The following PIK3C3 variants were observed in gnomAD, a reference collection of about 807,000 sequenced individuals.
PIK3C3 encodes the protein PI3-kinase type 3.
In PIK3C3, 95 loss-of-function variants were observed where a neutral mutation model predicts 126.1. The observed-to-expected ratio is 0.75, with a 90% confidence interval of 0.64 to 0.89. PIK3C3 has a LOEUF of 0.89. PIK3C3 is among the 40% of genes least tolerant of loss of function. PIK3C3 has a pLI of 0.00. For missense variants in PIK3C3, 829 were observed against 1,063.2 expected (o/e 0.78, Z 3.06); for synonymous variants, 374 against 360.0 (o/e 1.04, Z -0.44).
intron 3 of PIK3C3, among the ~76,000 whole-genome samples, chr18:41,963,015 C>G (rs967073308): frequency 1.3e-5 from 2 of 151,906 alleles, no homozygotes; most frequent in African/African-American, 2.4e-5. Context: ...CATTCATTAG[C>G]TAATGATGGT....
chr18:42,021,857 A>T (rs909537629), intron 13 of PIK3C3, among the ~76,000 whole-genome samples: 2 of 152,212 alleles, frequency 1.3e-5, no homozygotes, highest in Admixed American at 1.3e-4. Flanking sequence ...GTATAATGCA[A>T]ATATTCAAAA....
chr18:42,031,243 A>G (rs916321443), intron 15 of PIK3C3, among the ~76,000 whole-genome samples: 11 of 152,182 alleles, frequency 7.2e-5, no homozygotes, highest in Non-Finnish European at 1.5e-4. Flanking sequence ...TGCGAGAGCT[A>G]TATCACAGTG....
intron 18 of PIK3C3, among the ~76,000 whole-genome samples, chr18:42,040,240 A>T (rs1984249906): frequency 6.6e-6 from 1 of 151,368 alleles, no homozygotes; most frequent in Non-Finnish European, 1.5e-5. Flanking sequence ...ATATTAGACA[A>T]AAGGAGCCAT....
intron 6 of PIK3C3, 96 bp downstream of exon 6, chr18:41,990,650 G>T: frequency 1.5e-6 from 1 of 669,492 alleles, no homozygotes; most frequent in Non-Finnish European, 2.6e-6. Context: ...TTATTTGGTT[G>T]CAGGGTAGCA....
chr18:42,034,169 CAT>C lies in PIK3C3; in HGVS notation c.1839+213_1839+214del, dbSNP rs545115623. Among the ~76,000 whole-genome samples, 21 of 152,232 alleles carry C rather than the reference CAT, an allele frequency of 1.4e-4. 1 individual carries two copies. In the South Asian group the frequency reaches 4.2e-3, roughly 30 times the overall value. On this transcript the variant is annotated intron_variant, in intron 16 of 24. Coordinates refer to ENST00000262039, the MANE Select transcript of PIK3C3 (RefSeq NM_002647.4). ...CCGGTACATGGGCATTTTTATGTAA[CAT>C]GTGAAATACTTTTATATCTCTGGGT...
rs1568002782 is a variant in PIK3C3, at chr18:42,054,164, A to ATC, written c.2264-3718_2264-3717insCT. On this transcript the variant is annotated intron_variant, in intron 21 of 24. Coordinates refer to ENST00000262039, the MANE Select transcript of PIK3C3 (RefSeq NM_002647.4). ...TATATATATATATATATATATATAT[A>ATC]TATATATATATATATATATATATAT... 2.1e-3 allele frequency among the ~76,000 whole-genome samples: 98 copies of ATC among 47,042 alleles called. 4 individuals are homozygous for ATC. Among genetic ancestry groups the ATC allele is most frequent in the Admixed American group, 0.014 (78 of 5,442 alleles). 30.9% of individuals were successfully genotyped at this position (47,042 alleles called of 152,430 possible).
intron 14 of PIK3C3, among the ~76,000 whole-genome samples, chr18:42,028,321 G>T (rs1983665753): frequency 6.6e-6 from 1 of 152,054 alleles, no homozygotes; most frequent in African/African-American, 2.4e-5. Flanking sequence ...TGGTCATATT[G>T]CAGATTCTTT....
chr18:41,965,632 A>G (rs1296790371), intron 3 of PIK3C3, among the ~76,000 whole-genome samples: 1 of 152,216 alleles, frequency 6.6e-6, no homozygotes. Flanking sequence ...AAGGGAGCCT[A>G]TGAACCACAT....
chr18:42,020,842 G>T (rs1983289896), intron 13 of PIK3C3, 137 bp downstream of exon 13: 1 of 567,160 alleles, frequency 1.8e-6, no homozygotes, highest in Non-Finnish European at 3.1e-6. Context: ...ATATCTAACT[G>T]TATTCCCTGA....
chr18:42,041,449 G>A (rs770613856), intron 19 of PIK3C3, among the ~76,000 whole-genome samples: 6 of 150,450 alleles, frequency 4.0e-5, no homozygotes, highest in Non-Finnish European at 8.9e-5. Context: ...ATGAGAAAAG[G>A]TGAGTGGTTC....
intron 14 of PIK3C3, 72 bp from the exon 15 acceptor site, chr18:42,029,253 A>G: frequency 1.2e-6 from 1 of 850,126 alleles, no homozygotes; most frequent in Non-Finnish European, 2.0e-6. Context: ...AATAAGGATT[A>G]TCCATGCTGT....
intron 10 of PIK3C3, among the ~76,000 whole-genome samples, chr18:42,005,918 C>T (rs1982522233): frequency 6.6e-6 from 1 of 150,956 alleles, no homozygotes; most frequent in Non-Finnish European, 1.5e-5. Flanking sequence ...GTCTCTCCAC[C>T]CCAACCCCCT....
At position 42,027,862 on chromosome 18, in the gene PIK3C3, G is replaced by A. The variant is rs1170371986; in HGVS notation, c.1590+314G>A. ...TAGAGACGGGGTTTTGCCATGTTGGGCCAGGCTATTCTGGAACTCCTGACC... is the reference window on the plus strand; with the variant it reads ...TAGAGACGGGGTTTTGCCATGTTGGACCAGGCTATTCTGGAACTCCTGACC... On this transcript the variant is annotated intron_variant, in intron 14 of 24. Transcript: ENST00000262039. Among the ~76,000 whole-genome samples, 4 of 152,024 alleles carry A rather than the reference G, an allele frequency of 2.6e-5. No individual in the cohort carries two copies. The East Asian group carries it at 7.8e-4, about 30-fold the overall frequency.
At chr18:41,987,617 A>G (rs1282987099) in intron 4 of PIK3C3, among the ~76,000 whole-genome samples, 195 bp from the exon 5 acceptor site, 2 of 151,930 alleles carry the variant, frequency 1.3e-5, no homozygotes, top group African/African-American at 4.8e-5. Context: ...GACCTTTTTA[A>G]AAAAAATTTA....
At chr18:42,038,637 C>T (rs1159391724) in intron 17 of PIK3C3, 144 bp from the exon 18 acceptor site, 1 of 595,254 alleles carries the variant, frequency 1.7e-6, no homozygotes, top group East Asian at 3.1e-5. Flanking sequence ...AACCACTGTG[C>T]CCAGCCTAAG....
intron 12 of PIK3C3, among the ~76,000 whole-genome samples, chr18:42,016,798 A>G (rs1042334949): frequency 2.6e-5 from 4 of 152,108 alleles, no homozygotes; most frequent in Admixed American, 2.0e-4. Context: ...AGAATTGGAT[A>G]TCAGTAGTGT....
intron 3 of PIK3C3, among the ~76,000 whole-genome samples, chr18:41,968,815 G>T (rs551973907): frequency 0.035 from 5,305 of 150,092 alleles, 113 homozygotes; most frequent in Non-Finnish European, 0.053. Flanking sequence ...ATTTTTTTTT[G>T]TTGTTTTTTT....
At chr18:41,967,929 C>G (rs893581020) in intron 3 of PIK3C3, among the ~76,000 whole-genome samples, 4 of 152,190 alleles carry the variant, frequency 2.6e-5, no homozygotes, top group Admixed American at 2.6e-4. Flanking sequence ...GCTGTTTCTT[C>G]TCTCTCGCCT....
At chr18:41,969,115 A>G (rs1942152) in intron 3 of PIK3C3, among the ~76,000 whole-genome samples, 33,914 of 150,980 alleles carry the variant, frequency 0.22, 4,267 homozygotes, top group South Asian at 0.4. Context: ...CACCATGCCC[A>G]GTCTGTACCT....
Sources: gnomAD v4.1 joint callset for allele counts (sites outside exome capture counted in the v4.1 genomes callset) on GRCh38, gnomAD v4.1.1 for gene constraint, MANE v1.5 for transcripts, NCBI Gene and HGNC (gene_info 2026-07-23, HGNC 2026-07-21) for gene names.